Variants in DMD observed in about 807,000 individuals in gnomAD.
The protein encoded by DMD is dystrophin.
Under a neutral mutation model 330.1 loss-of-function variants are expected in DMD, and 63 were observed. That is an observed-to-expected ratio of 0.19 (90% CI 0.16 to 0.24). The LOEUF is 0.24. DMD is among the 10% of genes least tolerant of loss of function. DMD has a pLI of 1.00. For synonymous variants in DMD, 1,223 were observed against 959.8 expected (o/e 1.27, Z -5.07); for missense variants, 3,344 against 2,684.1 (o/e 1.25, Z -5.43).
chrX:31,606,230 A>T (rs184368044), intron 55 of DMD, among the ~76,000 whole-genome samples: 4 of 111,905 alleles, frequency 3.6e-5, no homozygotes, highest in African/African-American at 1.3e-4. Flanking sequence ...AGCCATGTGG[A>T]ACTGTGAGTC....
intron 23 of DMD, among the ~76,000 whole-genome samples, chrX:32,465,308 C>A (rs1384118787): frequency 6.3e-5 from 7 of 111,344 alleles, no homozygotes; most frequent in Admixed American, 9.6e-5. Context: ...TCCCGTATTA[C>A]CTTTTTTTCT....
intron 63 of DMD, among the ~76,000 whole-genome samples, chrX:31,230,712 A>G (rs1208609620): frequency 9.0e-6 from 1 of 111,281 alleles, no homozygotes; most frequent in Non-Finnish European, 1.9e-5. Flanking sequence ...TGGAAGACTC[A>G]GAATTGAGGA....
chrX:31,222,162 C>T (rs1317836432), intron 64 of DMD, among the ~76,000 whole-genome samples: 2 of 108,146 alleles, frequency 1.8e-5, no homozygotes, highest in Non-Finnish European at 3.8e-5. Context: ...CGCCACTGCA[C>T]TCCAGCCAGG....
chrX:31,317,605 G>A (rs895944832), intron 62 of DMD, among the ~76,000 whole-genome samples: 1 of 106,307 alleles, frequency 9.4e-6, no homozygotes, highest in East Asian at 2.9e-4. Flanking sequence ...TCCGCTTCCC[G>A]GGTTTACGCC....
chrX:31,426,459 G>C lies in DMD; in HGVS notation c.9084+18022C>G, dbSNP rs770897575. Among the ~76,000 whole-genome samples, 7 of 112,452 alleles carry C rather than the reference G, an allele frequency of 6.2e-5. No homozygotes were observed. The South Asian group carries it at 2.6e-3, about 42-fold the overall frequency. On this transcript the variant is annotated intron_variant, in intron 60 of 78. Coordinates refer to ENST00000357033, the MANE Select transcript of DMD (RefSeq NM_004006.3). ...TAAGCAGATACTAGCTCTTGCCTTG[G>C]CAAATATATTATGAAGTCTTAGCTT...
intron 50 of DMD, among the ~76,000 whole-genome samples, chrX:31,807,436 T>C (rs756335316): frequency 1.8e-5 from 2 of 111,380 alleles, no homozygotes; most frequent in Non-Finnish European, 3.8e-5. Context: ...GAATTGACAG[T>C]TACAGATGTG....
chrX:31,754,479 A>AAG (rs1189567115), intron 51 of DMD, among the ~76,000 whole-genome samples: 21 of 110,437 alleles, frequency 1.9e-4, no homozygotes, highest in Admixed American at 4.9e-4. Context: ...GACTCATTAA[A>AAG]AGAGAGAGAG....
chrX:31,223,146 AT>A (rs1465642035), intron 63 of DMD, 25 bp from the exon 64 acceptor site: 14 of 1,172,945 alleles, frequency 1.2e-5, no homozygotes, highest in Non-Finnish European at 1.5e-5. Context: ...AACAAAGAGC[AT>A]TTGTTATTCC....
chrX:32,141,601 T>C (rs1234379854), intron 44 of DMD, among the ~76,000 whole-genome samples: 6 of 110,489 alleles, frequency 5.4e-5, no homozygotes, highest in African/African-American at 2.0e-4. Flanking sequence ...TAAAACATCT[T>C]ATTCCTATTT....
intron 63 of DMD, among the ~76,000 whole-genome samples, chrX:31,235,053 G>A (rs1012135664): frequency 9.0e-6 from 1 of 111,545 alleles, no homozygotes; most frequent in Non-Finnish European, 1.9e-5. Flanking sequence ...AGAGGAAGGT[G>A]GTTCTTGCTA....
At chrX:32,452,173 C>T (rs1369888054) in intron 26 of DMD, among the ~76,000 whole-genome samples, 1 of 106,424 alleles carries the variant, frequency 9.4e-6, no homozygotes, top group African/African-American at 3.4e-5. Flanking sequence ...ACAAATGACT[C>T]TATAGTATCT....
chrX:31,536,213 T>C (rs1221819043), intron 55 of DMD, among the ~76,000 whole-genome samples: 1 of 111,673 alleles, frequency 9.0e-6, no homozygotes, highest in Non-Finnish European at 1.9e-5. Context: ...CCTCATTTTA[T>C]GCATTTTATG....
In DMD at chrX:32,759,859, GCGGGGGA is replaced by G. The variant is rs2072022593; in HGVS notation, c.649+49627_649+49633del. Among the ~76,000 whole-genome samples the G allele has an allele frequency of 2.5e-4, 3 of 11,853 alleles. No homozygotes were observed. In the African/African-American group the frequency reaches 2.8e-3, roughly 11 times the overall value. The allele number at this position is 11,853 out of a possible 115,157, so 10.3% of individuals were successfully genotyped here. ...GGTTTTTCTTGGGGGGGGGGGGGGG[GCGGGGGA>G]AGACCCAGGCAGGCCCATGTGATAC... is the stretch of plus-strand genomic sequence containing the variant. On this transcript the variant is annotated intron_variant, in intron 7 of 78. Transcript: ENST00000357033.
At chrX:32,234,908 T>A (rs2097181917) in intron 43 of DMD, among the ~76,000 whole-genome samples, 1 of 111,706 alleles carries the variant, frequency 9.0e-6, no homozygotes, top group South Asian at 3.7e-4. Flanking sequence ...TAAGTCATCT[T>A]TTAATGTTCA....
intron 2 of DMD, among the ~76,000 whole-genome samples, chrX:32,925,148 T>G (rs575171730): frequency 1.3e-3 from 76 of 58,872 alleles, no homozygotes; most frequent in South Asian, 5.6e-3. Context: ...ACTCTGGGTT[T>G]TTTTTTTTTT....
chrX:32,721,317 C>A (rs376131259), intron 7 of DMD, among the ~76,000 whole-genome samples: 2 of 110,140 alleles, frequency 1.8e-5, no homozygotes, highest in Admixed American at 2.0e-4. Context: ...TAATTTACAC[C>A]GACACCAGCA....
chrX:32,829,868 G>C (rs978297185), intron 4 of DMD, among the ~76,000 whole-genome samples: 5 of 111,866 alleles, frequency 4.5e-5, no homozygotes, highest in Admixed American at 1.9e-4. Context: ...CTGGATAGAA[G>C]ATATTTCATT....
intron 7 of DMD, among the ~76,000 whole-genome samples, chrX:32,717,831 G>C (rs897828421): frequency 9.0e-6 from 1 of 111,716 alleles, no homozygotes; most frequent in African/African-American, 3.3e-5. Flanking sequence ...ACTGTGGCTT[G>C]GATGAGATGT....
At chrX:31,512,511 AT>A (rs1452956196) in intron 55 of DMD, among the ~76,000 whole-genome samples, 1 of 101,605 alleles carries the variant, frequency 9.8e-6, no homozygotes, top group East Asian at 3.1e-4. Flanking sequence ...TGATTTTTGT[AT>A]AAGGTGTAAG....
Sources: allele counts gnomAD v4.1 joint callset (sites outside exome capture counted in the v4.1 genomes callset), GRCh38; gene constraint gnomAD v4.1.1; transcripts MANE v1.5; gene names NCBI Gene and HGNC (gene_info 2026-07-23, HGNC 2026-07-21).